The following XKR4 variants were observed in gnomAD, a reference collection of about 807,000 sequenced individuals.
The protein encoded by XKR4 is XK-related protein 4.
XKR4 carries 12 observed loss-of-function variants against 53.9 expected under a neutral mutation model. The observed-to-expected ratio is 0.22, with a 90% CI of 0.14 to 0.36. The LOEUF (loss-of-function observed/expected upper bound fraction) is 0.36. Among genes scored for constraint, XKR4 ranks in the 10% least tolerant of loss-of-function variants. The pLI, the probability that XKR4 is intolerant of heterozygous loss-of-function variation, is 1.00. For missense variants in XKR4, 799 were observed against 859.5 expected (o/e 0.93, Z 0.88); for synonymous variants, 354 against 362.4 (o/e 0.98, Z 0.26).
At chr8:55,430,037 A>G (rs775505645) in intron 2 of XKR4, among the ~76,000 whole-genome samples, 1 of 152,252 alleles carries the variant, frequency 6.6e-6, no homozygotes, top group Non-Finnish European at 1.5e-5. Context: ...ATATGAAAAG[A>G]TGCTCCAAAA....
chr8:55,232,447 A>G (rs1022163575), intron 1 of XKR4, among the ~76,000 whole-genome samples: 2 of 152,366 alleles, frequency 1.3e-5, no homozygotes, highest in African/African-American at 4.8e-5. Flanking sequence ...ATCATACTCT[A>G]TAATCATTTT....
chr8:55,326,024 G>A (rs1803286699), intron 1 of XKR4, among the ~76,000 whole-genome samples: 1 of 152,226 alleles, frequency 6.6e-6, no homozygotes, highest in African/African-American at 2.4e-5. Context: ...TAAGCCAATT[G>A]TTTAGCCTGT....
At chr8:55,290,588 C>A (rs752099051) in intron 1 of XKR4, among the ~76,000 whole-genome samples, 1 of 152,018 alleles carries the variant, frequency 6.6e-6, no homozygotes, top group Non-Finnish European at 1.5e-5. Flanking sequence ...CCCTGCACCA[C>A]CCCCAACAGG....
intron 1 of XKR4, among the ~76,000 whole-genome samples, chr8:55,224,864 G>A (rs900866178): frequency 6.6e-6 from 1 of 151,974 alleles, no homozygotes; most frequent in Non-Finnish European, 1.5e-5. Flanking sequence ...TAGAAACATT[G>A]GTTTCAAATA....
chr8:55,447,895 G>A (rs554377958), intron 2 of XKR4, among the ~76,000 whole-genome samples: 7 of 152,246 alleles, frequency 4.6e-5, no homozygotes, highest in Middle Eastern at 3.4e-3. Flanking sequence ...TAAACCATTC[G>A]TTTTAAAGGA....
chr8:55,149,774 G>A (rs1024921549), intron 1 of XKR4, among the ~76,000 whole-genome samples: 1 of 152,186 alleles, frequency 6.6e-6, no homozygotes, highest in South Asian at 2.1e-4. Context: ...TATTGCAGAA[G>A]CAGGTGCTGC....
At chr8:55,111,543 C>T (rs75522854) in intron 1 of XKR4, among the ~76,000 whole-genome samples, 3,097 of 152,208 alleles carry the variant, frequency 0.02, 91 homozygotes, top group African/African-American at 0.07. Context: ...GAGTCTTAAG[C>T]GTATTTACAT....
At chr8:55,508,235 G>A (rs946414280) in intron 2 of XKR4, among the ~76,000 whole-genome samples, 10 of 151,998 alleles carry the variant, frequency 6.6e-5, no homozygotes, top group Admixed American at 2.0e-4. Flanking sequence ...TGTTTTATAC[G>A]GTCTGTCCTC....
Position 55,527,888 on chromosome 8 carries a change from A to G in XKR4, c.*3661A>G, listed in dbSNP as rs1169686216. 1.3e-5 allele frequency: 2 copies of G among 152,224 alleles called. No homozygotes were observed. Among genetic ancestry groups the G allele is most frequent in the African/African-American group, 2.4e-5 (1 of 41,460 alleles). 9.4% of individuals were successfully genotyped at this position (152,224 alleles called of 1,614,324 possible). On this transcript the variant is annotated 3_prime_UTR_variant, in exon 3 of 3. Coordinates refer to ENST00000327381, the MANE Select transcript of XKR4 (RefSeq NM_052898.2). ...GGAAGTGATTGCACAGAACAATTAAAAGTGAATGAGAATAGTTGAAAACTC... is the reference window on the plus strand; with the variant it reads ...GGAAGTGATTGCACAGAACAATTAAGAGTGAATGAGAATAGTTGAAAACTC...
intron 1 of XKR4, among the ~76,000 whole-genome samples, chr8:55,177,395 G>A (rs902147832): frequency 3.9e-5 from 6 of 152,256 alleles, no homozygotes; most frequent in African/African-American, 1.4e-4. Context: ...GTTAAGTACT[G>A]GGCTCCCACC....
At chr8:55,317,439 ATAAAT>A (rs1379811683) in intron 1 of XKR4, among the ~76,000 whole-genome samples, 4 of 152,262 alleles carry the variant, frequency 2.6e-5, no homozygotes, top group Admixed American at 2.0e-4. Context: ...TAAAGCTTTG[ATAAAT>A]TAAAATACCT....
chr8:55,114,551 CAGA>C (rs1372320912), intron 1 of XKR4, among the ~76,000 whole-genome samples: 1 of 152,068 alleles, frequency 6.6e-6, no homozygotes, highest in Non-Finnish European at 1.5e-5. Context: ...AAGCAAAGGC[CAGA>C]AATAAGCTTA....
At chr8:55,487,182 C>A (rs1003386328) in intron 2 of XKR4, among the ~76,000 whole-genome samples, 3 of 152,146 alleles carry the variant, frequency 2.0e-5, no homozygotes, top group Admixed American at 1.3e-4. Context: ...AGCCTCTGGA[C>A]CTGGGGGACA....
intron 1 of XKR4, among the ~76,000 whole-genome samples, chr8:55,237,534 A>G (rs1818150842): frequency 6.6e-6 from 1 of 152,230 alleles, no homozygotes; most frequent in Non-Finnish European, 1.5e-5. Context: ...GTGAAGGAAG[A>G]GGAGGGTCTC....
chr8:55,205,333 T>C, intron 1 of XKR4, among the ~76,000 whole-genome samples: 1 of 150,722 alleles, frequency 6.6e-6, no homozygotes, highest in South Asian at 2.1e-4. Context: ...CATGTATTTG[T>C]TGTCATAAAA....
rs112382860 is a variant in XKR4 at position 55,193,985 on chromosome 8, G to A, written c.806+90691G>A. Among the ~76,000 whole-genome samples the A allele has an allele frequency of 2.2e-3, 335 of 152,280 alleles. 1 individual carries two copies. The highest frequency in any genetic ancestry group is 7.3e-3 in the African/African-American group (305 of 41,556). ...TTTTCCTGTCCCCTGGGGCCCTGCC[G>A]TAGCCTTCCCTAGCACTTAGCCTGA... On this transcript the variant is annotated intron_variant, in intron 1 of 2. Transcript: ENST00000327381.
intron 2 of XKR4, among the ~76,000 whole-genome samples, chr8:55,466,531 T>C (rs1805773014): frequency 6.6e-6 from 1 of 152,080 alleles, no homozygotes; most frequent in Non-Finnish European, 1.5e-5. Flanking sequence ...ATATACCTAA[T>C]GCTAAATGAC....
intron 1 of XKR4, among the ~76,000 whole-genome samples, chr8:55,131,036 G>T (rs149338447): frequency 0.11 from 16,339 of 152,048 alleles, 1,785 homozygotes; most frequent in African/African-American, 0.28. Flanking sequence ...GTGCACGCCG[G>T]TAATCCCAGC....
intron 2 of XKR4, among the ~76,000 whole-genome samples, chr8:55,440,719 T>A (rs1311367921): frequency 6.6e-6 from 1 of 152,038 alleles, no homozygotes; most frequent in African/African-American, 2.4e-5. Context: ...GAGATAGATA[T>A]AAATATATTG....
Sources: allele counts gnomAD v4.1 joint callset (sites outside exome capture counted in the v4.1 genomes callset), GRCh38; gene constraint gnomAD v4.1.1; transcripts MANE v1.5; gene names NCBI Gene and HGNC (gene_info 2026-07-23, HGNC 2026-07-21).